Variants in SCGB1C1 observed in about 807,000 individuals in gnomAD.
SCGB1C1 encodes secretoglobin family 1C member 1.
In SCGB1C1, 2 loss-of-function variants were observed where a neutral mutation model predicts 8.9. That is an observed-to-expected ratio of 0.23 (90% confidence interval 0.09 to 0.71). The LOEUF (loss-of-function observed/expected upper bound fraction) is 0.71, where lower values mean the gene tolerates loss of function less well. Ranked by LOEUF, SCGB1C1 falls within the 30% of genes least tolerant of loss-of-function variation. The pLI, the probability that SCGB1C1 is intolerant of heterozygous loss-of-function variation, is 0.78. For synonymous variants in SCGB1C1, 6 were observed against 45.8 expected, an observed-to-expected ratio of 0.13 and a Z score of 3.51; for missense variants, 25 against 112.7, an observed-to-expected ratio of 0.22 and a Z score of 3.52.
At chr11:193,613 C>A in intron 1 of SCGB1C1, 99 bp from the exon 2 acceptor site, 1 of 1,534,176 alleles carries the variant, frequency 6.5e-7, no homozygotes. Context: ...AGGGGAAGGT[C>A]TGGAGACCAT....
At chr11:189,441 AGGCGCACAGAGGCGCGGCGCGCGGGCGCC>A (rs1288389974), upstream of SCGB1C1, among the ~76,000 whole-genome samples, 8,909 of 140,682 alleles carry the variant, frequency 0.063, 16 homozygotes, top group African/African-American at 0.22. Flanking sequence ...GCGCCGGCGC[AGGCGCACAGAGGCGCGGCGCGCGGGCGCC>A]GGCGCACAGT....
upstream of SCGB1C1, among the ~76,000 whole-genome samples, chr11:188,414 CA>C (rs1198933531): frequency 4.0e-5 from 6 of 150,566 alleles, no homozygotes; most frequent in Non-Finnish European, 7.4e-5. Context: ...AACAATTCTT[CA>C]AAAAAAGCTA....
At chr11:194,084 C>G (rs1478216356) in intron 2 of SCGB1C1, among the ~76,000 whole-genome samples, 173 bp downstream of exon 2, 1 of 134,454 alleles carries the variant, frequency 7.4e-6, no homozygotes, top group African/African-American at 2.8e-5. Context: ...CGAGCAGCCC[C>G]CAGACTCCAT....
chr11:193,576 G>C, intron 1 of SCGB1C1, 136 bp from the exon 2 acceptor site: 2 of 1,078,420 alleles, frequency 1.9e-6, no homozygotes, highest in Non-Finnish European at 2.7e-6. Flanking sequence ...TGTGGAGGAA[G>C]CCCTGGGGAG....
At chr11:190,934 T>G (rs1854793671), upstream of SCGB1C1, among the ~76,000 whole-genome samples, 6 of 152,310 alleles carry the variant, frequency 3.9e-5, no homozygotes, top group South Asian at 1.2e-3. Context: ...TTGGGGCATC[T>G]TCAGAGGAGT....
upstream of SCGB1C1, among the ~76,000 whole-genome samples, chr11:189,616 C>G (rs1400418670): frequency 9.8e-5 from 15 of 152,304 alleles, no homozygotes; most frequent in South Asian, 1.0e-3. Flanking sequence ...GGGGGTGGAG[C>G]GTTGTAGGCG....
chr11:190,835 T>C (rs1157597023), upstream of SCGB1C1, among the ~76,000 whole-genome samples: 3 of 151,928 alleles, frequency 2.0e-5, no homozygotes, highest in Non-Finnish European at 4.4e-5. Context: ...TCTGTACTTA[T>C]GGTGCCAGGT....
chr11:193,660 T>G, intron 1 of SCGB1C1, 52 bp from the exon 2 acceptor site: 1 of 1,601,358 alleles, frequency 6.2e-7, no homozygotes. Context: ...AGGGCTGTGG[T>G]TGCACCAGAG....
chr11:191,756 C>T (rs1423845721), upstream of SCGB1C1, among the ~76,000 whole-genome samples: 18 of 152,408 alleles, frequency 1.2e-4, no homozygotes, highest in Admixed American at 1.0e-3. Context: ...CTTTTCATTG[C>T]CAGTGGAACA....
At chr11:191,879 AACCCTAACCCCT>A (rs1326633797), upstream of SCGB1C1, among the ~76,000 whole-genome samples, 83 of 3,790 alleles carry the variant, frequency 0.022, no homozygotes, top group African/African-American at 0.05. Context: ...CCCTAACCCT[AACCCTAACCCCT>A]ACCCCTAACC....
upstream of SCGB1C1, among the ~76,000 whole-genome samples, chr11:190,233 G>A (rs1412748466): frequency 1.3e-5 from 2 of 148,374 alleles, no homozygotes; most frequent in Non-Finnish European, 3.0e-5. Context: ...TGTCGGTGTC[G>A]TGGCAGCACG....
upstream of SCGB1C1, among the ~76,000 whole-genome samples, chr11:189,991 TCGG>T (rs1854763862): frequency 2.0e-5 from 3 of 152,152 alleles, no homozygotes; most frequent in Non-Finnish European, 2.9e-5. Flanking sequence ...TGCAGTGTAG[TCGG>T]GGCACGCCCT....
chr11:192,458 C>T (rs1590062829), upstream of SCGB1C1, among the ~76,000 whole-genome samples: 1 of 151,494 alleles, frequency 6.6e-6, no homozygotes, highest in Admixed American at 6.6e-5. Flanking sequence ...CCTGCTGAGA[C>T]CTGGCCCCAA....
At chr11:189,507 G>T (rs1854739525), upstream of SCGB1C1, among the ~76,000 whole-genome samples, 1 of 148,232 alleles carries the variant, frequency 6.7e-6, no homozygotes, top group Admixed American at 6.7e-5. Context: ...GGCGGGGGGA[G>T]GCGCGGCGCA....
chr11:189,436 GGCGCAGGCGCACAGAGGCGCGGC>G (rs1417198584), upstream of SCGB1C1, among the ~76,000 whole-genome samples: 2 of 149,196 alleles, frequency 1.3e-5, no homozygotes, highest in African/African-American at 2.5e-5. Context: ...GCGGCGCGCC[GGCGCAGGCGCACAGAGGCGCGGC>G]GCGCGGGCGC....
upstream of SCGB1C1, among the ~76,000 whole-genome samples, chr11:191,703 A>T (rs1478327124): frequency 6.6e-6 from 1 of 152,256 alleles, no homozygotes; most frequent in Non-Finnish European, 1.5e-5. Flanking sequence ...GAATTGCTAA[A>T]CTCTTTTAAA....
At chr11:188,384 CAT>C (rs1413962579), upstream of SCGB1C1, among the ~76,000 whole-genome samples, 2 of 150,414 alleles carry the variant, frequency 1.3e-5, no homozygotes, top group African/African-American at 4.9e-5. Flanking sequence ...ATGATTAGGT[CAT>C]AAAAAATTGT....
intron 1 of SCGB1C1, 35 bp downstream of exon 1, chr11:193,189 A>ATGGG: frequency 5.0e-6 from 1 of 201,348 alleles, no homozygotes; most frequent in Non-Finnish European, 8.7e-6. Flanking sequence ...CAGAACATTC[A>ATGGG]GGGGTGGGGG....
upstream of SCGB1C1, among the ~76,000 whole-genome samples, chr11:191,698 G>A (rs867092048): frequency 0.012 from 1,747 of 151,092 alleles, no homozygotes; most frequent in African/African-American, 0.04. Context: ...TGTTAGAATT[G>A]CTAAACTCTT....
Sources: gnomAD v4.1 joint callset for allele counts (sites outside exome capture counted in the v4.1 genomes callset) on GRCh38, gnomAD v4.1.1 for gene constraint, MANE v1.5 for transcripts, NCBI Gene and HGNC (gene_info 2026-07-23, HGNC 2026-07-21) for gene names.